NLRC5: variants seen among roughly 807,000 people sequenced by gnomAD.
NLRC5 encodes the protein NLR family CARD domain containing 5.
In NLRC5, 114 loss-of-function variants were observed where a neutral mutation model predicts 206.9. The observed-to-expected ratio is 0.55, with a 90% CI of 0.47 to 0.64. The LOEUF (loss-of-function observed/expected upper bound fraction) is 0.64. Among genes scored for constraint, NLRC5 ranks in the 30% least tolerant of loss-of-function variants. The probability of loss-of-function intolerance (pLI) is 0.00; values close to 1 mark genes in which losing one functional copy is unlikely to be tolerated. For missense variants in NLRC5, 2,008 were observed against 2,305.5 expected (o/e 0.87, Z 2.64); for synonymous variants, 952 against 962.8 (o/e 0.99, Z 0.21).
At chr16:56,998,660 A>G (rs996022314) in intron 1 of NLRC5, among the ~76,000 whole-genome samples, 2 of 152,192 alleles carry the variant, frequency 1.3e-5, no homozygotes, top group Non-Finnish European at 2.9e-5. Context: ...AAAACATGCT[A>G]TTATCGACCT....
At position 57,026,708 on chromosome 16, in the gene NLRC5, G is replaced by T. The variant is rs760518770; in HGVS notation, c.1765G>T (p.Gly589Cys). ...GGCGCAGGGCAATGAGGACTGTGTGGGTGCCAAGCAGGCTGCTGTAGTGCA... is the reference window on the plus strand; with the variant it reads ...GGCGCAGGGCAATGAGGACTGTGTGTGTGCCAAGCAGGCTGCTGTAGTGCA... ...HLAQGNEDCVGAKQAAVVQVL... is the reference protein window; with the variant it reads ...HLAQGNEDCVCAKQAAVVQVL... Residue 589 changes from glycine to cysteine, a missense_variant, in exon 6 of 49, where the codon GGT (glycine) becomes TGT (cysteine). Transcript: ENST00000688547. 1.2e-6 allele frequency: 2 copies of T among 1,614,062 alleles called. No homozygotes were observed. Among genetic ancestry groups the T allele is most frequent in the Non-Finnish European group, 1.7e-6 (2 of 1,179,934 alleles).
chr16:57,032,173 G>A (rs1223817508), intron 11 of NLRC5, among the ~76,000 whole-genome samples: 2 of 152,000 alleles, frequency 1.3e-5, no homozygotes, highest in African/African-American at 4.8e-5. Flanking sequence ...ACTTTGGAAC[G>A]CCAAGCACGA....
At chr16:57,077,042 G>A in intron 40 of NLRC5, 140 bp downstream of exon 40, 1 of 798,004 alleles carries the variant, frequency 1.3e-6, no homozygotes, top group South Asian at 1.5e-5. Flanking sequence ...ACAACCTGGG[G>A]CCTAGAAGCT....
intron 1 of NLRC5, chr16:56,990,548 C>A (rs1032452937): frequency 6.6e-6 from 1 of 152,144 alleles, no homozygotes; most frequent in Non-Finnish European, 1.5e-5. Flanking sequence ...TCGAGGAGGT[C>A]GGAAGAGGCT....
chr16:57,001,976 T>A (rs528556299), intron 1 of NLRC5, among the ~76,000 whole-genome samples: 1 of 152,208 alleles, frequency 6.6e-6, no homozygotes, highest in Admixed American at 6.5e-5. Context: ...GATTTTTAGA[T>A]CCCACAAATA....
intron 20 of NLRC5, chr16:57,043,889 T>C (rs2063598433): frequency 5.0e-6 from 2 of 399,534 alleles, no homozygotes; most frequent in Non-Finnish European, 8.7e-6. Flanking sequence ...AGAGATTTTT[T>C]TTTTTAGGAT....
chr16:57,024,623 T>A, intron 5 of NLRC5, among the ~76,000 whole-genome samples: 1 of 152,102 alleles, frequency 6.6e-6, no homozygotes, highest in East Asian at 1.9e-4. Flanking sequence ...GGCCTACAGG[T>A]TGTTAGTGCT....
intron 32 of NLRC5, 99 bp from the exon 33 acceptor site, chr16:57,065,113 A>AG (rs1393455310): frequency 1.5e-6 from 1 of 646,324 alleles, no homozygotes; most frequent in Non-Finnish European, 2.3e-6. Flanking sequence ...AAAAGCCTCT[A>AG]GGTCCCCCCC....
intron 2 of NLRC5, among the ~76,000 whole-genome samples, chr16:57,017,760 A>T (rs2060238584): frequency 6.6e-6 from 1 of 152,220 alleles, no homozygotes; most frequent in Admixed American, 6.5e-5. Flanking sequence ...TCATTGACCA[A>T]AGCAAGTTTC....
At chr16:57,071,498 G>A (rs185853838) in intron 38 of NLRC5, among the ~76,000 whole-genome samples, 3 of 141,776 alleles carry the variant, frequency 2.1e-5, no homozygotes, top group South Asian at 2.3e-4. Flanking sequence ...AGCGATGATG[G>A]TGGTTAATGG....
chr16:57,037,667 T>C (rs1280333694), intron 15 of NLRC5, among the ~76,000 whole-genome samples: 2 of 152,152 alleles, frequency 1.3e-5, no homozygotes, highest in Admixed American at 6.5e-5. Context: ...AGTCCCTTAC[T>C]GTTTCTCCTG....
At chr16:57,067,666 C>T in intron 35 of NLRC5, 70 bp from the exon 36 acceptor site, 1 of 1,502,484 alleles carries the variant, frequency 6.7e-7, no homozygotes, top group Admixed American at 1.7e-5. Context: ...TTGGCACCCC[C>T]TTCTGGATGT....
At chr16:57,030,363 G>T (rs2061669402) in intron 10 of NLRC5, among the ~76,000 whole-genome samples, 2 of 122,958 alleles carry the variant, frequency 1.6e-5, no homozygotes, top group African/African-American at 5.6e-5. Context: ...TGGCTGAAAA[G>T]ATGGATGGGT....
intron 6 of NLRC5, among the ~76,000 whole-genome samples, chr16:57,027,457 G>C (rs1221907614): frequency 6.6e-6 from 1 of 152,246 alleles, no homozygotes; most frequent in African/African-American, 2.4e-5. Flanking sequence ...CAGAGCAAAG[G>C]CTCAGTGTGC....
chr16:57,008,482 C>A (rs1407932324), intron 1 of NLRC5, among the ~76,000 whole-genome samples: 2 of 151,850 alleles, frequency 1.3e-5, no homozygotes, highest in Non-Finnish European at 2.9e-5. Flanking sequence ...TCTAAAAGAA[C>A]ACTTTTTAAA....
intron 10 of NLRC5, 129 bp from the exon 11 acceptor site, chr16:57,031,275 T>C (rs2061852943): frequency 2.2e-6 from 2 of 930,146 alleles, no homozygotes; most frequent in Non-Finnish European, 3.5e-6. Flanking sequence ...CCGTTATGTT[T>C]CCCTGTCAAT....
chr16:57,064,845 A>G (rs894635532), intron 32 of NLRC5, among the ~76,000 whole-genome samples: 2 of 152,114 alleles, frequency 1.3e-5, no homozygotes, highest in African/African-American at 2.4e-5. Flanking sequence ...AATCGCTTGA[A>G]CCCAGGAGGC....
chr16:57,006,441 C>G (rs1255625419), intron 1 of NLRC5, among the ~76,000 whole-genome samples: 1 of 27,700 alleles, frequency 3.6e-5, no homozygotes, highest in African/African-American at 9.0e-5. Context: ...TTTTTTGAGA[C>G]AGGGTTTCAC....
chr16:57,055,921 A>T (rs1296449589), intron 27 of NLRC5, among the ~76,000 whole-genome samples: 1 of 152,170 alleles, frequency 6.6e-6, no homozygotes, highest in African/African-American at 2.4e-5. Context: ...TATTGTTGAG[A>T]TGTGGTATCT....
Sources: allele counts gnomAD v4.1 joint callset (sites outside exome capture counted in the v4.1 genomes callset), GRCh38; gene constraint gnomAD v4.1.1; transcripts MANE v1.5; gene names NCBI Gene and HGNC (gene_info 2026-07-23, HGNC 2026-07-21).